FRMPD4: variants seen among roughly 807,000 people sequenced by gnomAD.
FRMPD4 encodes FERM and PDZ domain-containing protein 4.
A neutral mutation model predicts 94.1 loss-of-function variants in FRMPD4; 22 were observed. That is an observed-to-expected ratio of 0.23 (90% CI 0.17 to 0.33). FRMPD4 has a LOEUF of 0.33. Among genes scored for constraint, FRMPD4 ranks in the 10% least tolerant of loss-of-function variants. FRMPD4 has a pLI of 1.00. For synonymous variants in FRMPD4, 631 were observed against 548.6 expected (o/e 1.15, Z -2.10); for missense variants, 1,111 against 1,339.9 (o/e 0.83, Z 2.67).
At chrX:12,266,132 C>CAAAAAAAAAAAAAAAAAAAAAA (rs3990340) in intron 1 of FRMPD4, among the ~76,000 whole-genome samples, 2 of 25,757 alleles carry the variant, frequency 7.8e-5, no homozygotes, top group African/African-American at 1.4e-4. Context: ...GACTCCGTCT[C>CAAAAAAAAAAAAAAAAAAAAAA]AAAAAAAAAA....
At chrX:12,112,662 T>C (rs760604421) in intron 3 of FRMPD4, among the ~76,000 whole-genome samples, 1 of 112,117 alleles carries the variant, frequency 8.9e-6, no homozygotes, top group East Asian at 2.8e-4. Flanking sequence ...AATTATATGA[T>C]CAATAGTCAA....
In FRMPD4 at chrX:11,919,479, C is replaced by T. The variant is rs1272055584; in HGVS notation, c.95+41461C>T. 3.6e-5 allele frequency among the ~76,000 whole-genome samples: 4 copies of T among 110,605 alleles called. No individual in the cohort carries two copies. In the East Asian group the frequency reaches 1.1e-3, roughly 31 times the overall value. On this transcript the variant is annotated intron_variant, in intron 3 of 18. Transcript: ENST00000640291. ...GAGTGGGAGGCTGTGCACAGGGGAT[C>T]ATCAGTGCTGTGGAGGGAGGATTAG...
intron 1 of FRMPD4, among the ~76,000 whole-genome samples, chrX:12,209,395 A>T (rs1480829580): frequency 8.9e-6 from 1 of 112,769 alleles, no homozygotes; most frequent in African/African-American, 3.2e-5. Context: ...ACTTCATAAA[A>T]GAAATGACTT....
intron 2 of FRMPD4, among the ~76,000 whole-genome samples, chrX:12,506,050 G>A (rs2057981495): frequency 9.0e-6 from 1 of 111,669 alleles, no homozygotes; most frequent in Non-Finnish European, 1.9e-5. Context: ...ACACAGGTTT[G>A]GCATTAGGTG....
intron 1 of FRMPD4, among the ~76,000 whole-genome samples, chrX:12,174,653 A>G (rs957854378): frequency 1.8e-5 from 2 of 111,621 alleles, no homozygotes; most frequent in African/African-American, 6.5e-5. Context: ...TCAAACTTTG[A>G]TGTATATCAG....
At chrX:12,598,159 A>G (rs2059050009) in intron 2 of FRMPD4, among the ~76,000 whole-genome samples, 1 of 111,581 alleles carries the variant, frequency 9.0e-6, no homozygotes, top group South Asian at 3.8e-4. Flanking sequence ...TCAGAAAAGA[A>G]GCTGAAATGA....
rs1277659881 is a variant in FRMPD4 at position 12,382,515 on chromosome X, GCAT to G, written c.42-116164_42-116162del. 1.7e-3 allele frequency among the ~76,000 whole-genome samples: 33 copies of G among 19,497 alleles called. 1 individual carries two copies. The highest frequency in any genetic ancestry group is 0.029 in the Middle Eastern group (1 of 35). The allele number at this position is 19,497 out of a possible 115,157, so 16.9% of individuals were successfully genotyped here. A position where few individuals can be genotyped will look rare whatever the true frequency, so the allele number is the denominator to read the frequency against. On this transcript the variant is annotated intron_variant, in intron 1 of 16. Coordinates refer to ENST00000675598, the MANE Select transcript of FRMPD4 (RefSeq NM_001368397.1). Reference sequence around the variant, plus strand: ...GCATAGCATAGCATAGCATAGCATAGCATAGCATAGCATAGAGCATAGCATAGC... The same window carrying G: ...GCATAGCATAGCATAGCATAGCATAGAGCATAGCATAGAGCATAGCATAGC...
At chrX:12,554,437 T>C (rs2058573192) in intron 2 of FRMPD4, among the ~76,000 whole-genome samples, 1 of 112,046 alleles carries the variant, frequency 8.9e-6, no homozygotes, top group African/African-American at 3.2e-5. Flanking sequence ...ACTGTAGCCA[T>C]GACCTATTAT....
intron 4 of FRMPD4, among the ~76,000 whole-genome samples, chrX:12,661,804 G>T (rs1303862108): frequency 2.7e-5 from 3 of 111,932 alleles, no homozygotes; most frequent in Non-Finnish European, 5.6e-5. Context: ...TCTCTCTTCA[G>T]AGTGTTGCAA....
At chrX:12,212,413 A>G (rs1258990301) in intron 1 of FRMPD4, among the ~76,000 whole-genome samples, 1 of 110,402 alleles carries the variant, frequency 9.1e-6, no homozygotes, top group East Asian at 2.9e-4. Context: ...TCCGAATGCA[A>G]TGCGGACCTA....
chrX:12,311,865 G>T (rs1445646156), intron 1 of FRMPD4, among the ~76,000 whole-genome samples: 1 of 111,200 alleles, frequency 9.0e-6, no homozygotes, highest in Admixed American at 9.5e-5. Flanking sequence ...TCTAATTTTT[G>T]TGTTTTCTTT....
At chrX:12,430,366 C>T (rs1230108805) in intron 1 of FRMPD4, among the ~76,000 whole-genome samples, 1 of 112,379 alleles carries the variant, frequency 8.9e-6, no homozygotes, top group African/African-American at 3.2e-5. Flanking sequence ...GGAGTTTCCT[C>T]TTGGCAGGTA....
chrX:12,486,538 A>G (rs1298209544), intron 1 of FRMPD4, among the ~76,000 whole-genome samples: 1 of 112,532 alleles, frequency 8.9e-6, no homozygotes, highest in African/African-American at 3.2e-5. Flanking sequence ...AGATTTTGAG[A>G]ACTTGTCTAA....
chrX:12,701,907 C>A lies in FRMPD4; in HGVS notation c.967C>A (p.Pro323Thr), dbSNP rs1257180179. Residue 323 changes from proline (P) to threonine (T), a missense_variant, in exon 10 of 17, where the codon CCG becomes ACG. Around this residue, in one of 8 missense-constraint regions of FRMPD4, gnomAD observed 37 missense variants for 101.0 expected, o/e 0.37. Transcript: ENST00000675598. ...CGATGTGGTTCAGGAGCGATTTGGG[C>A]CGGAGCTGAAATATGACATAGCCCT... is the stretch of plus-strand genomic sequence containing the variant. ...CNDVVQERFG[P>T]ELKYDIALRL... is the part of the protein sequence containing the mutation. 5 of 1,210,699 alleles carry A rather than the reference C, an allele frequency of 4.1e-6. No individual in the cohort carries two copies. Among genetic ancestry groups the A allele is most frequent in the Non-Finnish European group, 5.6e-6 (5 of 894,087 alleles).
chrX:12,096,122 C>T (rs1020224532), intron 3 of FRMPD4, among the ~76,000 whole-genome samples: 6 of 112,299 alleles, frequency 5.3e-5, no homozygotes, highest in African/African-American at 1.6e-4. Flanking sequence ...TGAAGGTTAC[C>T]GAATGACTGA....
intron 3 of FRMPD4, among the ~76,000 whole-genome samples, chrX:11,917,382 A>G (rs990215240): frequency 4.4e-4 from 49 of 112,218 alleles, no homozygotes; most frequent in African/African-American, 1.5e-3. Context: ...CAGCAATTCC[A>G]CTACTGGGTA....
At chrX:12,200,425 A>G (rs67950022) in intron 1 of FRMPD4, among the ~76,000 whole-genome samples, 24,527 of 110,787 alleles carry the variant, frequency 0.22, 2,405 homozygotes, top group East Asian at 0.62. Flanking sequence ...GGAATCCTTT[A>G]CAGTCATTAC....
intron 16 of FRMPD4, among the ~76,000 whole-genome samples, chrX:12,719,833 T>G (rs2042184807): frequency 9.2e-6 from 1 of 109,047 alleles, no homozygotes; most frequent in Non-Finnish European, 1.9e-5. Context: ...TTGCTTCACA[T>G]GACAGCTTTT....
intron 1 of FRMPD4, among the ~76,000 whole-genome samples, chrX:12,213,721 A>G (rs2106659): frequency 0.47 from 51,729 of 110,921 alleles, 8,558 homozygotes; most frequent in Non-Finnish European, 0.51. Context: ...AAGCTTTCAT[A>G]TACTGTCTTT....
Sources: gnomAD v4.1 joint callset for allele counts (sites outside exome capture counted in the v4.1 genomes callset) on GRCh38, gnomAD v4.1.1 for gene constraint, gnomAD v4.1.1 regional missense constraint, MANE v1.5 for transcripts, NCBI Gene and HGNC (gene_info 2026-07-23, HGNC 2026-07-21) for gene names.